Variants in PCDH9 observed in about 807,000 individuals in gnomAD.
The protein encoded by PCDH9 is protocadherin-9.
PCDH9 carries 24 observed loss-of-function variants against 70.6 expected under a neutral mutation model. The ratio of observed to expected loss-of-function variants is 0.34; its 90% CI spans 0.25 to 0.48. PCDH9 has a LOEUF of 0.48. Ranked by LOEUF, PCDH9 falls within the 20% of genes least tolerant of loss-of-function variation. PCDH9 has a pLI of 0.99. For missense variants in PCDH9, 1,281 were observed against 1,503.6 expected (o/e 0.85, Z 2.45); for synonymous variants, 562 against 558.5 (o/e 1.01, Z -0.09).
At chr13:66,571,631 A>G (rs1423591132) in intron 4 of PCDH9, among the ~76,000 whole-genome samples, 3 of 152,028 alleles carry the variant, frequency 2.0e-5, no homozygotes, top group Non-Finnish European at 4.4e-5. Flanking sequence ...CAACGGCTAA[A>G]AGACTGTTGT....
chr13:66,337,998 G>C (rs996927078), intron 4 of PCDH9, among the ~76,000 whole-genome samples: 1 of 152,100 alleles, frequency 6.6e-6, no homozygotes, highest in Non-Finnish European at 1.5e-5. Context: ...TCTCCATTGA[G>C]ATCAGATGGA....
intron 3 of PCDH9, among the ~76,000 whole-genome samples, chr13:66,664,432 C>T: frequency 7.4e-6 from 1 of 135,068 alleles, no homozygotes; most frequent in Non-Finnish European, 1.6e-5. Flanking sequence ...CCTTCCCAAA[C>T]AGCAATGGGC....
intron 3 of PCDH9, among the ~76,000 whole-genome samples, chr13:66,856,625 T>C (rs2139468450): frequency 6.6e-6 from 1 of 152,182 alleles, no homozygotes; most frequent in Middle Eastern, 3.4e-3. Context: ...ATAAGAGGTT[T>C]ATCCACCCTG....
At chr13:66,511,676 T>C (rs1959479922) in intron 4 of PCDH9, among the ~76,000 whole-genome samples, 1 of 152,134 alleles carries the variant, frequency 6.6e-6, no homozygotes, top group African/African-American at 2.4e-5. Context: ...TTTAGTACCT[T>C]CCCTTTGGGA....
chr13:66,421,260 G>T (rs1382124908), intron 4 of PCDH9, among the ~76,000 whole-genome samples: 2 of 152,068 alleles, frequency 1.3e-5, no homozygotes, highest in East Asian at 1.9e-4. Context: ...CACACTTCAA[G>T]ATATTCAGGA....
chr13:66,622,662 C>T (rs1037425049), intron 4 of PCDH9, among the ~76,000 whole-genome samples: 2 of 152,152 alleles, frequency 1.3e-5, no homozygotes, highest in African/African-American at 2.4e-5. Flanking sequence ...GTGTGTAGCT[C>T]AGGGATTGTA....
At chr13:66,505,257 T>C (rs1959199277) in intron 4 of PCDH9, among the ~76,000 whole-genome samples, 2 of 152,170 alleles carry the variant, frequency 1.3e-5, no homozygotes, top group African/African-American at 4.8e-5. Context: ...ACTGGGTATT[T>C]ATAAAAAAGG....
At chr13:66,842,370 G>A (rs1383432714) in intron 3 of PCDH9, among the ~76,000 whole-genome samples, 1 of 152,052 alleles carries the variant, frequency 6.6e-6, no homozygotes, top group African/African-American at 2.4e-5. Flanking sequence ...ATTCTAATGT[G>A]GTTCAAATCC....
At chr13:66,708,403 G>GTTTTTTTTTTT (rs36087870) in intron 3 of PCDH9, among the ~76,000 whole-genome samples, 13 of 136,988 alleles carry the variant, frequency 9.5e-5, no homozygotes, top group Non-Finnish European at 1.2e-4. Context: ...TTGAGATTTA[G>GTTTTTTTTTTT]TTTTTTTTTT....
intron 3 of PCDH9, among the ~76,000 whole-genome samples, chr13:66,788,062 C>G (rs1204200621): frequency 1.3e-5 from 2 of 152,130 alleles, no homozygotes; most frequent in Non-Finnish European, 2.9e-5. Flanking sequence ...CAAGTGTCTT[C>G]ATCCACTTTG....
At chr13:66,317,152 T>G (rs1955668141) in intron 4 of PCDH9, among the ~76,000 whole-genome samples, 1 of 152,140 alleles carries the variant, frequency 6.6e-6, no homozygotes. Context: ...CATACATCTA[T>G]GTAGCTATGA....
intron 2 of PCDH9, among the ~76,000 whole-genome samples, chr13:67,100,206 T>G (rs1489195348): frequency 6.6e-6 from 1 of 152,180 alleles, no homozygotes; most frequent in South Asian, 2.1e-4. Context: ...TTAGATTATA[T>G]GCCTATTGCT....
chr13:66,931,282 C>A (rs2082803552), intron 2 of PCDH9, among the ~76,000 whole-genome samples: 1 of 151,926 alleles, frequency 6.6e-6, no homozygotes, highest in Non-Finnish European at 1.5e-5. Flanking sequence ...GATGAGCTAG[C>A]CATATGATAG....
intron 3 of PCDH9, among the ~76,000 whole-genome samples, chr13:66,640,126 C>T (rs1464271903): frequency 1.3e-5 from 2 of 152,118 alleles, no homozygotes; most frequent in African/African-American, 2.4e-5. Context: ...TTAGAAATTA[C>T]ATTAAATTAT....
intron 2 of PCDH9, among the ~76,000 whole-genome samples, chr13:66,997,531 T>TGTTTTG: frequency 6.6e-6 from 1 of 151,926 alleles, no homozygotes; most frequent in Non-Finnish European, 1.5e-5. Flanking sequence ...TGTTTTGTTT[T>TGTTTTG]GTTTTGTTTT....
intron 4 of PCDH9, among the ~76,000 whole-genome samples, chr13:66,478,313 A>G (rs1010897122): frequency 2.0e-5 from 3 of 152,174 alleles, no homozygotes; most frequent in African/African-American, 7.2e-5. Flanking sequence ...AAACAAAGCA[A>G]TATTGAAATT....
intron 2 of PCDH9, among the ~76,000 whole-genome samples, chr13:67,008,338 T>C (rs1255795869): frequency 6.6e-6 from 1 of 152,140 alleles, no homozygotes; most frequent in Non-Finnish European, 1.5e-5. Flanking sequence ...ATGTAAACAA[T>C]TTAGGCAAGG....
At chr13:66,577,663 A>C (rs2076833925) in intron 4 of PCDH9, among the ~76,000 whole-genome samples, 1 of 151,976 alleles carries the variant, frequency 6.6e-6, no homozygotes, top group Non-Finnish European at 1.5e-5. Flanking sequence ...ATTGAAATAG[A>C]AGCAGCCTGG....
At chr13:66,661,627 T>C (rs1034873152) in intron 3 of PCDH9, among the ~76,000 whole-genome samples, 1 of 152,282 alleles carries the variant, frequency 6.6e-6, no homozygotes, top group Middle Eastern at 3.4e-3. Context: ...AAATAATAAA[T>C]TGATAAAACT....
Sources: allele counts gnomAD v4.1 joint callset (sites outside exome capture counted in the v4.1 genomes callset), GRCh38; gene constraint gnomAD v4.1.1; transcripts MANE v1.5; gene names NCBI Gene and HGNC (gene_info 2026-07-23, HGNC 2026-07-21).